Variants in PLEKHA1 observed in about 807,000 individuals in gnomAD.
PLEKHA1 encodes pleckstrin homology domain-containing family A member 1.
A neutral mutation model predicts 52.0 loss-of-function variants in PLEKHA1; 34 were observed. The observed-to-expected ratio is 0.65, with a 90% CI of 0.50 to 0.87. The LOEUF is 0.87. Among genes scored for constraint, PLEKHA1 ranks in the 40% least tolerant of loss-of-function variants. The probability of loss-of-function intolerance (pLI) is 0.00; values close to 1 mark genes in which losing one functional copy is unlikely to be tolerated. For missense variants in PLEKHA1, 497 were observed against 504.2 expected (o/e 0.99, Z 0.14); for synonymous variants, 163 against 170.7 (o/e 0.95, Z 0.35).
intron 1 of PLEKHA1, among the ~76,000 whole-genome samples, chr10:122,383,269 C>T (rs1368235167): frequency 1.3e-5 from 2 of 151,042 alleles, no homozygotes; most frequent in Non-Finnish European, 3.0e-5. Context: ...TCCCAGATAA[C>T]ATTTTTTTCT....
At chr10:122,419,013 A>G (rs913583045) in intron 8 of PLEKHA1, 2 of 152,294 alleles carry the variant, frequency 1.3e-5, no homozygotes, top group Middle Eastern at 3.4e-3. Flanking sequence ...CATTTTAATT[A>G]ATTTATATTT....
intron 8 of PLEKHA1, chr10:122,418,877 A>G (rs1265837370): frequency 6.6e-6 from 1 of 152,176 alleles, no homozygotes; most frequent in Non-Finnish European, 1.5e-5. Context: ...CCAGAACAGC[A>G]TTGTCCATTA....
the PLEKHA1 span, chr10:122,441,101 A>C: frequency 3.9e-5 from 6 of 152,092 alleles, no homozygotes; most frequent in Non-Finnish European, 1.5e-5. Context: ...TCCCAGTCCT[A>C]CTGAATCAGA....
chr10:122,381,423 G>A (rs1300251461), intron 1 of PLEKHA1, among the ~76,000 whole-genome samples: 13 of 152,216 alleles, frequency 8.5e-5, no homozygotes, highest in Admixed American at 8.5e-4. Context: ...TGGTTCATGG[G>A]ACAGACATCC....
Position 122,375,806 on chromosome 10 carries a change from G to A in PLEKHA1, c.-21+1000G>A, listed in dbSNP as rs533879947. ...GGCAGTTTCTGCGTTTTCCTCGTCT[G>A]TTTGTTTCACCTTCCAATTCTGCAG... On this transcript the variant is annotated intron_variant, in intron 1 of 11. Transcript: ENST00000368990. Among the ~76,000 whole-genome samples the A allele has an allele frequency of 2.0e-5, 3 of 152,214 alleles. No individual in the cohort carries two copies. In the South Asian group the frequency reaches 6.2e-4, roughly 32 times the overall value.
At chr10:122,413,712 C>T (rs1404792942) in intron 6 of PLEKHA1, among the ~76,000 whole-genome samples, 1 of 151,960 alleles carries the variant, frequency 6.6e-6, no homozygotes, top group Non-Finnish European at 1.5e-5. Flanking sequence ...GAAATTAAAA[C>T]TCTTGTCTGA....
chr10:122,385,143 C>G (rs2096670999), intron 1 of PLEKHA1, among the ~76,000 whole-genome samples: 1 of 152,030 alleles, frequency 6.6e-6, no homozygotes, highest in African/African-American at 2.4e-5. Flanking sequence ...TCCCTTCACC[C>G]TCAGCTCCAA....
intron 1 of PLEKHA1, among the ~76,000 whole-genome samples, chr10:122,383,477 G>A (rs2096645381): frequency 1.7e-5 from 2 of 116,552 alleles, no homozygotes; most frequent in South Asian, 6.4e-4. Flanking sequence ...ACACCACCAT[G>A]CCTGGCTAAT....
At chr10:122,394,575 T>A (rs994216457) in intron 2 of PLEKHA1, among the ~76,000 whole-genome samples, 1 of 152,180 alleles carries the variant, frequency 6.6e-6, no homozygotes, top group Non-Finnish European at 1.5e-5. Flanking sequence ...CTGTTCTGTT[T>A]CACAGAGCAG....
At chr10:122,375,720 G>A (rs897751998) in intron 1 of PLEKHA1, among the ~76,000 whole-genome samples, 4 of 152,188 alleles carry the variant, frequency 2.6e-5, no homozygotes, top group Admixed American at 2.6e-4. Context: ...TATAAATAAT[G>A]AAACTCCTTT....
intron 6 of PLEKHA1, among the ~76,000 whole-genome samples, chr10:122,415,234 C>T (rs183661952): frequency 6.6e-6 from 1 of 152,314 alleles, no homozygotes; most frequent in East Asian, 1.9e-4. Flanking sequence ...CTTCCATTTA[C>T]ATTACATTTT....
Position 122,406,592 on chromosome 10 carries a change from G to A in PLEKHA1, c.261G>A (p.Met87Ile), listed in dbSNP as rs1355179087. The stretch of plus-strand genomic sequence containing the variant: ...TGTCAACAGTTATGAATGCAGGAAT[G>A]AGGAAGTACTTCCTACAAGCCAATG... ...AEFCFVMNAG[M>I]RKYFLQANDQ... Residue 87 changes from methionine to isoleucine, a missense_variant, in exon 5 of 12, where the codon ATG (methionine) becomes ATA (isoleucine). Transcript: ENST00000368990. 1 of 1,611,508 alleles carries A rather than the reference G, an allele frequency of 6.2e-7. No homozygotes were observed. Among genetic ancestry groups the A allele is most frequent in the Admixed American group, 1.7e-5 (1 of 59,998 alleles).
At chr10:122,401,020 G>T (rs2096920289) in intron 4 of PLEKHA1, among the ~76,000 whole-genome samples, 1 of 152,330 alleles carries the variant, frequency 6.6e-6, no homozygotes, top group Non-Finnish European at 1.5e-5. Context: ...GAGCTCAGGA[G>T]TCGGGGAGCC....
downstream of PLEKHA1, chr10:122,432,637 A>C (rs1016578038): frequency 1.3e-5 from 2 of 152,206 alleles, no homozygotes; most frequent in Non-Finnish European, 2.9e-5. Flanking sequence ...TTAGCCTCAG[A>C]GCATCGTGTG....
chr10:122,424,087 A>T, intron 8 of PLEKHA1, 112 bp from the exon 9 acceptor site: 1 of 1,354,062 alleles, frequency 7.4e-7, no homozygotes, highest in Non-Finnish European at 9.9e-7. Context: ...GATGTGCTTC[A>T]GAAAAGAAGT....
chr10:122,397,994 T>C lies in PLEKHA1; in HGVS notation c.198+20T>C. 1 of 1,584,192 alleles carries C rather than the reference T, an allele frequency of 6.3e-7. No individual in the cohort carries two copies. The highest frequency in any genetic ancestry group is 1.3e-5 in the African/African-American group (1 of 74,402). ...TCAAAGGTAGTCTTTATACATTGTC[T>C]TATACTCGTGTGAATTAAAATCCCT... On this transcript the variant is annotated intron_variant, in intron 3 of 11. Transcript: ENST00000368990.
intron 2 of PLEKHA1, among the ~76,000 whole-genome samples, chr10:122,396,370 A>G (rs951675873): frequency 6.6e-6 from 1 of 152,082 alleles, no homozygotes; most frequent in African/African-American, 2.4e-5. Context: ...ATAAATCTAA[A>G]ACGTTATACA....
rs775697813 is a variant in PLEKHA1 at position 122,397,940 on chromosome 10, G to T, written c.164G>T (p.Arg55Leu). 1 of 1,608,528 alleles carries T rather than the reference G, an allele frequency of 6.2e-7. No homozygotes were observed. The highest frequency in any genetic ancestry group is 2.2e-5 in the East Asian group (1 of 44,718). The part of the protein sequence containing the change: ...NPQNLPSGSS[R>L]VGAIKLTYIS... ...TAGAACCTACCTTCTGGATCATCAC[G>T]TGTTGGAGCCATTAAGCTTACCTAC... Residue 55 changes from arginine to leucine, a missense_variant, in exon 3 of 12, where the codon CGT (arginine) becomes CTT (leucine). By Grantham distance (102) the Arg-to-Leu change is moderately radical. Coordinates refer to ENST00000368990, the MANE Select transcript of PLEKHA1 (RefSeq NM_001001974.4).
Sources: gnomAD v4.1 joint callset for allele counts (sites outside exome capture counted in the v4.1 genomes callset) on GRCh38, gnomAD v4.1.1 for gene constraint, MANE v1.5 for transcripts, NCBI Gene and HGNC (gene_info 2026-07-23, HGNC 2026-07-21) for gene names.